DDX54: variants seen among roughly 807,000 people sequenced by gnomAD.
The protein encoded by DDX54 is ATP-dependent RNA helicase DDX54.
In DDX54, 67 loss-of-function variants were observed where a neutral mutation model predicts 105.5. That is an observed-to-expected ratio of 0.64 (90% confidence interval 0.52 to 0.78). The LOEUF is 0.78. DDX54 is among the 30% of genes least tolerant of loss of function. The probability of loss-of-function intolerance (pLI) is 0.00; values close to 1 mark genes in which losing one functional copy is unlikely to be tolerated. For synonymous variants in DDX54, 514 were observed against 509.9 expected, an observed-to-expected ratio of 1.01 and a Z score of -0.11; for missense variants, 1,206 against 1,230.5, an observed-to-expected ratio of 0.98 and a Z score of 0.30.
At chr12:113,183,008 C>T (rs1432025010) in intron 1 of DDX54, among the ~76,000 whole-genome samples, 1 of 151,952 alleles carries the variant, frequency 6.6e-6, no homozygotes, top group Non-Finnish European at 1.5e-5. Flanking sequence ...CAGGCACACA[C>T]CACCATGCCT....
intron 5 of DDX54, among the ~76,000 whole-genome samples, chr12:113,177,881 A>T (rs1952422499): frequency 6.6e-6 from 1 of 152,176 alleles, no homozygotes; most frequent in Non-Finnish European, 1.5e-5. Flanking sequence ...ACAGCAGGAG[A>T]TACTACATCT....
rs151166999 is a variant in DDX54, at chr12:113,158,953, C to T, written c.2570G>A (p.Arg857His). 336 of 1,611,642 alleles carry T rather than the reference C, an allele frequency of 2.1e-4. No individual in the cohort carries two copies. In the African/African-American group the frequency reaches 3.3e-3, roughly 16 times the overall value. The change falls in exon 20 of 20, where the codon CGC becomes CAC. Residue 857 changes from arginine (R) to histidine (H), a missense_variant. Arg to His is a conservative substitution (Grantham distance 29, BLOSUM62 0). Transcript: ENST00000306014. This position sits in a 1 kb window ranked among gnomAD's most constrained non-coding sequence, Gnocchi z 4.9. ...GGCGCCCTGCTGCAGCTCCTGGACG[C>T]GGCGGCGGTTGCGGGCAGAGAGCTG... Reference protein sequence around the residue: ...LKQLSARNRRRVQELQQGAFG... With the variant: ...LKQLSARNRRHVQELQQGAFG...
chr12:113,179,876 G>C (rs773855555), intron 3 of DDX54, 59 bp downstream of exon 3: 2 of 1,589,552 alleles, frequency 1.3e-6, no homozygotes, highest in African/African-American at 1.3e-5. Flanking sequence ...CAAGGGGCCA[G>C]AGAGGAGGGC....
In DDX54 at chr12:113,172,855, G is replaced by A. The variant is rs150354737; in HGVS notation, c.1069-292C>T. The stretch of plus-strand genomic sequence containing the variant: ...CCACCTCAGTGCACAAGCCTTATCC[G>A]GATTCTGCTACAAACAAGCTGTGTG... On this transcript the variant is annotated intron_variant, in intron 10 of 19. Coordinates refer to ENST00000306014, the MANE Select transcript of DDX54 (RefSeq NM_024072.4). Among the ~76,000 whole-genome samples, 50 of 152,326 alleles carry A rather than the reference G, an allele frequency of 3.3e-4. No individual in the cohort carries two copies. The Middle Eastern group carries it at 0.014, about 41-fold the overall frequency.
At chr12:113,161,644 G>T (rs1257271507) in intron 18 of DDX54, among the ~76,000 whole-genome samples, 1 of 143,158 alleles carries the variant, frequency 7.0e-6, no homozygotes, top group Non-Finnish European at 1.5e-5. Context: ...ACTTACTGGA[G>T]ATGCTGCTGC....
intron 18 of DDX54, among the ~76,000 whole-genome samples, 194 bp downstream of exon 18, chr12:113,161,699 A>G (rs1156858734): frequency 7.2e-6 from 1 of 138,832 alleles, no homozygotes; most frequent in Non-Finnish European, 1.5e-5. Context: ...CACTAGTTCG[A>G]GATGCTGCTG....
rs201173369 is a variant in DDX54 at position 113,175,042 on chromosome 12, G to A, written c.868C>T (p.Arg290Trp). The A allele has an allele frequency of 7.0e-5, 112 of 1,602,764 alleles. No individual in the cohort carries two copies. The highest frequency in any genetic ancestry group is 2.7e-4 in the Admixed American group (16 of 59,640). Residue 290 changes from arginine (R) to tryptophan (W), a missense_variant, in exon 8 of 20, where the codon CGG becomes TGG. Arg to Trp is a moderately radical substitution (Grantham distance 101). Transcript: ENST00000306014. ...CCACCCCCAGCTCACGCACCAGCCCGGGCAAATTCCACCAGCAGTTTGGGC... is the reference window on the plus strand; with the variant it reads ...CCACCCCCAGCTCACGCACCAGCCCAGGCAAATTCCACCAGCAGTTTGGGC... ...TLPKLLVEFA[R>W]AGLTEPVLIR...
Position 113,174,710 on chromosome 12 carries a change from T to C in DDX54, c.998A>G (p.Asn333Ser), listed in dbSNP as rs755970580. 1.2e-6 allele frequency: 2 copies of C among 1,609,474 alleles called. No individual in the cohort carries two copies. Among genetic ancestry groups the C allele is most frequent in the South Asian group, 2.2e-5 (2 of 90,968 alleles). The change falls in exon 10 of 20, where the codon AAC becomes AGC. Residue 333 changes from asparagine (N) to serine (S), a missense_variant. Physicochemically the swap from Asn to Ser is conservative, Grantham distance 46 (BLOSUM62 1). This residue lies in a region of DDX54 where 961 missense variants were observed against 1,019.1 expected (regional missense o/e 0.94). Coordinates refer to ENST00000306014, the MANE Select transcript of DDX54 (RefSeq NM_024072.4). The part of the protein sequence containing the change: ...KAAVLLHLLH[N>S]VVRPQDQTVV... ...GGTCTGGTCCTGGGGCCGCACCACGTTGTGCAGCAGGTGGAGCAGCACGGC... is the reference window on the plus strand; with the variant it reads ...GGTCTGGTCCTGGGGCCGCACCACGCTGTGCAGCAGGTGGAGCAGCACGGC...
chr12:113,173,431 T>G (rs1952361286), intron 10 of DDX54, among the ~76,000 whole-genome samples: 1 of 152,184 alleles, frequency 6.6e-6, no homozygotes, highest in African/African-American at 2.4e-5. Flanking sequence ...GAGGGAGTGT[T>G]GTTAACTGTG....
chr12:113,166,747 T>C (rs947018253), intron 12 of DDX54, among the ~76,000 whole-genome samples: 6 of 151,712 alleles, frequency 4.0e-5, no homozygotes, highest in Non-Finnish European at 7.4e-5. Flanking sequence ...AACAGCAACT[T>C]TGCTGACTCC....
chr12:113,168,090 A>C, intron 12 of DDX54: 1 of 370,044 alleles, frequency 2.7e-6, no homozygotes, highest in Non-Finnish European at 5.4e-6. Flanking sequence ...GCCGCCCCCC[A>C]CCCCGGCCAG....
intron 6 of DDX54, 53 bp downstream of exon 6, chr12:113,176,998 AC>A: frequency 1.2e-6 from 2 of 1,613,166 alleles, no homozygotes; most frequent in Non-Finnish European, 1.7e-6. Flanking sequence ...GTTCTCTTAC[AC>A]CCCCACCACT....
intron 5 of DDX54, among the ~76,000 whole-genome samples, chr12:113,177,953 ACAGC>A (rs1427963472): frequency 6.6e-6 from 1 of 152,230 alleles, no homozygotes. Context: ...CTAACAGCCC[ACAGC>A]CAGGCGTGGT....
chr12:113,179,907 C>G, intron 3 of DDX54, 28 bp downstream of exon 3: 3 of 1,613,872 alleles, frequency 1.9e-6, no homozygotes, highest in Non-Finnish European at 2.5e-6. Context: ...CTCCCTCGCC[C>G]TCACCCGTCG....
intron 7 of DDX54, 48 bp from the exon 8 acceptor site, chr12:113,175,205 T>C (rs1360530020): frequency 1.4e-5 from 21 of 1,544,568 alleles, no homozygotes; most frequent in Non-Finnish European, 1.8e-5. Context: ...CTTCACTCCC[T>C]GGAGTTCCAA....
chr12:113,163,307 G>C lies in DDX54; in HGVS notation c.1939-33C>G. The C allele has an allele frequency of 5.0e-6, 8 of 1,595,130 alleles. No individual in the cohort carries two copies. Among genetic ancestry groups the C allele is most frequent in the Middle Eastern group, 1.7e-4 (1 of 6,002 alleles). On this transcript the variant is annotated intron_variant, in intron 15 of 19. Transcript: ENST00000306014. This position sits in a 1 kb window ranked among gnomAD's most constrained non-coding sequence, Gnocchi z 5.9. ...AGCACAGACCAAGGCCCAGTGTCAT[G>C]CCTGCTGCCCCCTGGGGACTTCCCC...
At chr12:113,174,334 C>T (rs1018953197) in intron 10 of DDX54, among the ~76,000 whole-genome samples, 1 of 151,822 alleles carries the variant, frequency 6.6e-6, no homozygotes, top group Non-Finnish European at 1.5e-5. Context: ...AAATAAGTAA[C>T]AAGTTAGTTG....
At chr12:113,175,612 C>T (rs966537494) in intron 7 of DDX54, among the ~76,000 whole-genome samples, 1 of 152,136 alleles carries the variant, frequency 6.6e-6, no homozygotes. Context: ...CACAGTGAAA[C>T]CCCGTCTCTA....
intron 7 of DDX54, among the ~76,000 whole-genome samples, chr12:113,176,255 T>A (rs1053688552): frequency 2.6e-5 from 4 of 152,144 alleles, no homozygotes; most frequent in African/African-American, 9.7e-5. Flanking sequence ...TTTGTGCTTT[T>A]AAAAAAATCT....
Sources: allele counts gnomAD v4.1 joint callset (sites outside exome capture counted in the v4.1 genomes callset), GRCh38; gene constraint gnomAD v4.1.1; regional missense constraint gnomAD v4.1.1; non-coding constraint Gnocchi (gnomAD v3.1); transcripts MANE v1.5; gene names NCBI Gene and HGNC (gene_info 2026-07-23, HGNC 2026-07-21).